Variants in MTA3 observed in about 807,000 individuals in gnomAD.
MTA3 encodes the protein metastasis associated 1 family member 3, also known as metastasis-associated protein MTA3.
Under a neutral mutation model 83.5 loss-of-function variants are expected in MTA3, and 34 were observed. The ratio of observed to expected loss-of-function variants is 0.41; its 90% CI spans 0.31 to 0.54. The LOEUF (loss-of-function observed/expected upper bound fraction) is 0.54, where lower values mean the gene tolerates loss of function less well. MTA3 is among the 20% of genes least tolerant of loss of function. MTA3 has a pLI of 0.33. For missense variants in MTA3, 761 were observed against 726.4 expected, an observed-to-expected ratio of 1.05 and a Z score of -0.55; for synonymous variants, 303 against 252.7, an observed-to-expected ratio of 1.20 and a Z score of -1.89.
At chr2:42,750,823 G>A (rs955938488) in intron 16 of MTA3, among the ~76,000 whole-genome samples, 1 of 151,828 alleles carries the variant, frequency 6.6e-6, no homozygotes, top group African/African-American at 2.4e-5. Flanking sequence ...ATCTCGACTG[G>A]TGGGACGTAG....
In MTA3 at chr2:42,664,466, CTTTT is replaced by C. The variant is rs35633597; in HGVS notation, c.702+4629_702+4632del. 1.0e-4 allele frequency among the ~76,000 whole-genome samples: 9 copies of C among 85,742 alleles called. 1 individual carries two copies. Among genetic ancestry groups the C allele is most frequent in the East Asian group, 4.1e-4 (1 of 2,444 alleles). The allele number at this position is 85,742 out of a possible 152,430, so 56.3% of individuals were successfully genotyped here. On this transcript the variant is annotated intron_variant, in intron 8 of 16. Transcript: ENST00000405094. ...CCTACTACCCCCTCACCCCGCTTAC[CTTTT>C]TTTTTTTTTTTTTTTTTTTTTTTTG...
intron 2 of MTA3, among the ~76,000 whole-genome samples, chr2:42,561,746 G>C (rs756035941): frequency 6.6e-6 from 1 of 152,104 alleles, no homozygotes; most frequent in Non-Finnish European, 1.5e-5. Context: ...AGTGGTGAGG[G>C]GGTCCCCTTC....
intron 2 of MTA3, among the ~76,000 whole-genome samples, chr2:42,553,239 C>T (rs1025654089): frequency 6.6e-6 from 1 of 151,460 alleles, no homozygotes; most frequent in Non-Finnish European, 1.5e-5. Context: ...TCCTGGCTAA[C>T]GCGGTGAAAC....
chr2:42,724,770 T>C (rs1667699695), intron 16 of MTA3, among the ~76,000 whole-genome samples: 1 of 152,248 alleles, frequency 6.6e-6, no homozygotes, highest in South Asian at 2.1e-4. Flanking sequence ...TCTGTTGCTC[T>C]TTCCTCAGTA....
chr2:42,630,662 G>T (rs17029806), intron 4 of MTA3, among the ~76,000 whole-genome samples: 2,054 of 151,986 alleles, frequency 0.014, 54 homozygotes, highest in African/African-American at 0.047. Flanking sequence ...TGGATTTTTG[G>T]TTTTTTTAGT....
At chr2:42,651,325 C>G (rs1688696691) in intron 6 of MTA3, among the ~76,000 whole-genome samples, 1 of 152,182 alleles carries the variant, frequency 6.6e-6, no homozygotes, top group South Asian at 2.1e-4. Context: ...TTAGGCTATA[C>G]TAATTTTATT....
At chr2:42,682,925 C>T (rs985951705) in intron 9 of MTA3, among the ~76,000 whole-genome samples, 11 of 152,124 alleles carry the variant, frequency 7.2e-5, no homozygotes, top group East Asian at 1.9e-4. Context: ...ATAAAAAACT[C>T]GCTGGGCGTG....
chr2:42,622,700 C>G (rs917681832), intron 4 of MTA3, among the ~76,000 whole-genome samples: 1 of 151,326 alleles, frequency 6.6e-6, no homozygotes, highest in African/African-American at 2.4e-5. Context: ...TTTTGTTGCC[C>G]AGGCTGATCT....
chr2:42,658,152 C>G (rs1471400317), intron 7 of MTA3, among the ~76,000 whole-genome samples: 1 of 148,276 alleles, frequency 6.7e-6, no homozygotes, highest in Non-Finnish European at 1.5e-5. Flanking sequence ...GCCAATCCAC[C>G]AGAATGGTTA....
intron 2 of MTA3, among the ~76,000 whole-genome samples, chr2:42,548,517 C>T (rs940891624): frequency 5.9e-5 from 9 of 151,630 alleles, no homozygotes; most frequent in African/African-American, 2.2e-4. Flanking sequence ...ATGGGCTGGG[C>T]ATGGTGGCTC....
chr2:42,594,726 A>ATTTTTTTTTTTT (rs1303482913), intron 3 of MTA3, among the ~76,000 whole-genome samples: 1 of 29,366 alleles, frequency 3.4e-5, no homozygotes, highest in African/African-American at 2.6e-4. Flanking sequence ...ATATATATAT[A>ATTTTTTTTTTTT]TATTTTTTTT....
chr2:42,499,358 G>A (rs1674293710), intron 2 of MTA3, among the ~76,000 whole-genome samples: 1 of 151,408 alleles, frequency 6.6e-6, no homozygotes, highest in Admixed American at 6.6e-5. Context: ...TAGAGACAGG[G>A]TTTCTCCATG....
At chr2:42,704,126 T>G in intron 11 of MTA3, 68 bp from the exon 12 acceptor site, 1 of 1,490,434 alleles carries the variant, frequency 6.7e-7, no homozygotes, top group Non-Finnish European at 9.1e-7. Context: ...GGTAAATCAG[T>G]AATGATATAG....
At chr2:42,737,258 A>G (rs192819585) in intron 16 of MTA3, among the ~76,000 whole-genome samples, 1 of 152,316 alleles carries the variant, frequency 6.6e-6, no homozygotes, top group Non-Finnish European at 1.5e-5. Flanking sequence ...AGGAACCCAG[A>G]GCACTTTAAC....
chr2:42,557,262 G>A (rs986650556), intron 2 of MTA3, among the ~76,000 whole-genome samples: 7 of 149,758 alleles, frequency 4.7e-5, no homozygotes, highest in African/African-American at 1.7e-4. Flanking sequence ...CTGGGCAACA[G>A]AGAGAGACTT....
chr2:42,668,819 T>C (rs1690525394), intron 8 of MTA3, among the ~76,000 whole-genome samples: 1 of 152,148 alleles, frequency 6.6e-6, no homozygotes, highest in Non-Finnish European at 1.5e-5. Flanking sequence ...AATATAATCT[T>C]TCATATAATC....
rs145421650 is a variant in MTA3, at chr2:42,609,546, G to A, written c.279G>A (p.Leu93=). The part of the protein sequence containing the change: ...KHQLKHRELF[L]SRQYESLPAT... ...AGTTGAAACATAGGGAACTCTTTTT[G>A]TCACGCCAGTATGAATCTCTGCCCG... Residue 93 remains leucine, a synonymous_variant, in exon 4 of 17, where the codon TTG becomes TTA. Coordinates refer to ENST00000405094, the MANE Select transcript of MTA3 (RefSeq NM_001330442.2). 18 of 1,613,774 alleles carry A rather than the reference G, an allele frequency of 1.1e-5. No homozygotes were observed. The highest frequency in any genetic ancestry group is 3.3e-5 in the Admixed American group (2 of 59,992).
At chr2:42,602,015 T>C (rs1030950850) in intron 3 of MTA3, among the ~76,000 whole-genome samples, 4 of 152,188 alleles carry the variant, frequency 2.6e-5, no homozygotes, top group Admixed American at 2.0e-4. Flanking sequence ...AATTTTTGTA[T>C]TTTTAGTAGA....
At chr2:42,688,636 A>G (rs538134534) in intron 9 of MTA3, among the ~76,000 whole-genome samples, 2 of 125,706 alleles carry the variant, frequency 1.6e-5, no homozygotes, top group South Asian at 4.8e-4. Context: ...TTTTTGTAAC[A>G]TTCTCTCCTA....
Sources: allele counts gnomAD v4.1 joint callset (sites outside exome capture counted in the v4.1 genomes callset), GRCh38; gene constraint gnomAD v4.1.1; transcripts MANE v1.5; gene names NCBI Gene and HGNC (gene_info 2026-07-23, HGNC 2026-07-21).